Variants in BEND7 observed in about 807,000 individuals in gnomAD.
BEND7 encodes BEN domain-containing protein 7.
In BEND7, 28 loss-of-function variants were observed where a neutral mutation model predicts 50.9. That is an observed-to-expected ratio of 0.55 (90% confidence interval 0.41 to 0.75). BEND7 has a LOEUF of 0.75. Ranked by LOEUF, BEND7 falls within the 30% of genes least tolerant of loss-of-function variation. The probability of loss-of-function intolerance (pLI) is 0.00; values close to 1 mark genes in which losing one functional copy is unlikely to be tolerated. For missense variants in BEND7, 477 were observed against 491.3 expected, an observed-to-expected ratio of 0.97 and a Z score of 0.28; for synonymous variants, 170 against 183.9, an observed-to-expected ratio of 0.92 and a Z score of 0.61.
intron 6 of BEND7, among the ~76,000 whole-genome samples, chr10:13,463,325 G>A (rs972843926): frequency 6.6e-6 from 1 of 152,186 alleles, no homozygotes; most frequent in African/African-American, 2.4e-5. Context: ...CAGAGGCAAA[G>A]AACTGGAGAG....
intron 2 of BEND7, among the ~76,000 whole-genome samples, chr10:13,501,859 A>G (rs1017612824): frequency 2.0e-5 from 3 of 148,414 alleles, no homozygotes; most frequent in African/African-American, 7.5e-5. Context: ...AAAAAAAAAA[A>G]TCTTAGGCCA....
At chr10:13,503,914 C>T (rs775674584) in intron 2 of BEND7, among the ~76,000 whole-genome samples, 6 of 152,176 alleles carry the variant, frequency 3.9e-5, no homozygotes, top group Non-Finnish European at 8.8e-5. Context: ...TACTGAGTCA[C>T]ACTCTCTTCA....
At chr10:13,493,399 A>G (rs768114983) in intron 4 of BEND7, among the ~76,000 whole-genome samples, 3 of 152,188 alleles carry the variant, frequency 2.0e-5, no homozygotes, top group Non-Finnish European at 4.4e-5. Flanking sequence ...ATGATTCTAC[A>G]TTAGGGACCA....
chr10:13,456,095 C>T (rs61833864), intron 6 of BEND7, among the ~76,000 whole-genome samples: 14,866 of 152,062 alleles, frequency 0.098, 762 homozygotes, highest in Admixed American at 0.13. Flanking sequence ...AAGGTGTGAC[C>T]GGGCATGAAT....
At chr10:13,439,320 A>G, downstream of BEND7, 3 of 1,614,164 alleles carry the variant, frequency 1.9e-6, no homozygotes, top group Non-Finnish European at 2.5e-6. Flanking sequence ...GGTTTGGGAC[A>G]AAGCTCCTGT....
At chr10:13,457,489 A>G (rs1839244697) in intron 6 of BEND7, among the ~76,000 whole-genome samples, 1 of 152,230 alleles carries the variant, frequency 6.6e-6, no homozygotes, top group South Asian at 2.1e-4. Context: ...AGGGGCAGCA[A>G]TAGGCTTTTT....
At chr10:13,487,015 G>A (rs148731244) in intron 5 of BEND7, among the ~76,000 whole-genome samples, 305 of 152,272 alleles carry the variant, frequency 2.0e-3, no homozygotes, top group African/African-American at 7.0e-3. Flanking sequence ...CACAGCTGAC[G>A]TCCTATGCTA....
intron 2 of BEND7, among the ~76,000 whole-genome samples, chr10:13,508,441 A>C (rs1463614274): frequency 3.3e-5 from 5 of 152,232 alleles, no homozygotes; most frequent in African/African-American, 1.2e-4. Context: ...GAAGATGCTC[A>C]AGAACTCCAA....
intron 6 of BEND7, among the ~76,000 whole-genome samples, chr10:13,469,856 T>C (rs905102006): frequency 6.6e-6 from 1 of 152,174 alleles, no homozygotes; most frequent in Non-Finnish European, 1.5e-5. Flanking sequence ...CCATGATCAT[T>C]TGCAATGCAC....
chr10:13,508,024 A>C (rs1187538048), intron 2 of BEND7, among the ~76,000 whole-genome samples: 2 of 152,208 alleles, frequency 1.3e-5, no homozygotes, highest in African/African-American at 4.8e-5. Flanking sequence ...CGGCCTGTCA[A>C]ATGGGAGACA....
At chr10:13,487,947 G>A (rs2076353461) in intron 5 of BEND7, among the ~76,000 whole-genome samples, 1 of 151,864 alleles carries the variant, frequency 6.6e-6, no homozygotes, top group Non-Finnish European at 1.5e-5. Flanking sequence ...ACAAAAATTA[G>A]TTGGGCATGG....
At chr10:13,526,468 T>C (rs950319492) in intron 1 of BEND7, among the ~76,000 whole-genome samples, 1 of 152,244 alleles carries the variant, frequency 6.6e-6, no homozygotes, top group Non-Finnish European at 1.5e-5. Flanking sequence ...CACACCATGT[T>C]CACGGTAAAT....
intron 2 of BEND7, chr10:13,500,830 A>G (rs967155570): frequency 1.0e-6 from 1 of 985,392 alleles, no homozygotes; most frequent in Non-Finnish European, 1.2e-6. Context: ...TGGCGGTACC[A>G]GCACTGGAAG....
intron 5 of BEND7, 50 bp from the exon 6 acceptor site, chr10:13,481,174 G>T: frequency 6.3e-7 from 1 of 1,577,464 alleles, no homozygotes; most frequent in East Asian, 2.3e-5. Flanking sequence ...TGAAGCATCT[G>T]ACTTTGGGTA....
chr10:13,494,649 T>C (rs934856755), intron 4 of BEND7, among the ~76,000 whole-genome samples: 2 of 152,232 alleles, frequency 1.3e-5, no homozygotes, highest in African/African-American at 4.8e-5. Flanking sequence ...ATGATCACGA[T>C]GGTCTAGGCC....
At position 13,528,474 on chromosome 10, in the gene BEND7, T is replaced by A; in HGVS notation, c.60A>T (p.Arg20=). 1 of 1,028,368 alleles carries A rather than the reference T, an allele frequency of 9.7e-7. No individual in the cohort carries two copies. 63.7% of individuals were successfully genotyped at this position (1,028,368 alleles called of 1,614,324 possible). ...RKSQSFKLVS[R]DYHHEVYKIP... ...CCCGCCGCCCCGGCGGCCGCTTACCTCGGCTCACCAGTTTGAAGCTCTGGG... is the reference window on the plus strand; with the variant it reads ...CCCGCCGCCCCGGCGGCCGCTTACCACGGCTCACCAGTTTGAAGCTCTGGG... Residue 20 remains arginine (R), a splice_region_variant and synonymous_variant, in exon 1 of 9, where the codon CGA becomes CGT. Transcript: ENST00000466271.
At chr10:13,451,336 G>A (rs981960417) in intron 7 of BEND7, among the ~76,000 whole-genome samples, 10 of 151,282 alleles carry the variant, frequency 6.6e-5, no homozygotes, top group Admixed American at 2.0e-4. Flanking sequence ...CAACAGGTGC[G>A]TGCCATCTTG....
intron 2 of BEND7, among the ~76,000 whole-genome samples, chr10:13,505,117 T>C (rs534507853): frequency 9.8e-5 from 15 of 152,360 alleles, no homozygotes; most frequent in African/African-American, 3.4e-4. Context: ...GCATCCATTT[T>C]AAATATAAGT....
downstream of BEND7, chr10:13,439,505 ATGAATGAATGAG>A (rs759275282): frequency 1.9e-6 from 3 of 1,583,306 alleles, no homozygotes; most frequent in African/African-American, 4.0e-5. Flanking sequence ...CACCTGTGGA[ATGAATGAATGAG>A]TGAATGAATG....
Sources: gnomAD v4.1 joint callset for allele counts (sites outside exome capture counted in the v4.1 genomes callset) on GRCh38, gnomAD v4.1.1 for gene constraint, MANE v1.5 for transcripts, NCBI Gene and HGNC (gene_info 2026-07-23, HGNC 2026-07-21) for gene names.